Variants in RBFOX1 observed in about 807,000 individuals in gnomAD.
RBFOX1 encodes RNA binding protein fox-1 homolog 1.
RBFOX1 carries 8 observed loss-of-function variants against 57.7 expected under a neutral mutation model. That is an observed-to-expected ratio of 0.14 (90% confidence interval 0.08 to 0.25). The LOEUF (loss-of-function observed/expected upper bound fraction) is 0.25. RBFOX1 is among the 10% of genes least tolerant of loss of function. The pLI is 1.00. For synonymous variants in RBFOX1, 326 were observed against 222.4 expected (o/e 1.47, Z -4.15); for missense variants, 611 against 548.5 (o/e 1.11, Z -1.14).
intron 1 of RBFOX1, among the ~76,000 whole-genome samples, chr16:5,318,978 T>G (rs1407883086): frequency 6.6e-6 from 1 of 151,810 alleles, no homozygotes; most frequent in African/African-American, 2.4e-5. Context: ...ATACAAAAAA[T>G]TAGCTGGGCA....
chr16:7,140,277 T>C (rs1238252778), intron 4 of RBFOX1, among the ~76,000 whole-genome samples: 3 of 147,848 alleles, frequency 2.0e-5, no homozygotes, highest in Admixed American at 2.0e-4. Context: ...TTTTTTTTTT[T>C]TTTTTTTTTT....
rs761820657 is a variant in RBFOX1, at chr16:6,866,541, A to AATTTTTTTTTTTTTTTT, written c.-15-185516_-15-185515insATTTTTTTTTTTTTTTT. On this transcript the variant is annotated intron_variant, in intron 3 of 15. Coordinates refer to ENST00000550418, the MANE Select transcript of RBFOX1 (RefSeq NM_018723.4). ...TAAGGTTAGGGCTTTCTTTCCTTCT[A>AATTTTTTTTTTTTTTTT]TTTTTTTTTTTTTTTTTTGAGTTGG... Among the ~76,000 whole-genome samples the AATTTTTTTTTTTTTTTT allele has an allele frequency of 6.3e-5, 5 of 78,878 alleles. 1 individual carries two copies. Among genetic ancestry groups the AATTTTTTTTTTTTTTTT allele is most frequent in the African/African-American group, 2.8e-4 (5 of 17,832 alleles). 51.7% of individuals were successfully genotyped at this position (78,878 alleles called of 152,430 possible). A position where few individuals can be genotyped will look rare whatever the true frequency, so the allele number is the denominator to read the frequency against.
chr16:5,501,318 C>CAAAAAAAAAAAAA (rs1160788118), intron 2 of RBFOX1, among the ~76,000 whole-genome samples: 45 of 64,832 alleles, frequency 6.9e-4, no homozygotes, highest in East Asian at 1.1e-3. Context: ...ACTCTGTCTA[C>CAAAAAAAAAAAAA]AAAAAAAAAA....
intron 3 of RBFOX1, among the ~76,000 whole-genome samples, chr16:5,776,892 A>G (rs532190532): frequency 4.2e-4 from 64 of 152,212 alleles, no homozygotes; most frequent in Non-Finnish European, 7.3e-4. Context: ...TTTGCCATGG[A>G]TGTATGGATG....
At chr16:5,424,029 C>G (rs1405831800) in intron 1 of RBFOX1, among the ~76,000 whole-genome samples, 1 of 152,184 alleles carries the variant, frequency 6.6e-6, no homozygotes, top group Non-Finnish European at 1.5e-5. Flanking sequence ...TCAACCAACC[C>G]TCACTGTCCT....
chr16:6,638,486 T>C lies in RBFOX1; in HGVS notation c.-63-16117T>C, dbSNP rs529958279. Among the ~76,000 whole-genome samples the C allele has an allele frequency of 1.7e-3, 265 of 152,304 alleles. 2 individuals are homozygous for C. Among genetic ancestry groups the C allele is most frequent in the Non-Finnish European group, 3.2e-3 (216 of 68,026 alleles). ...CGCATTGAGACTTACACATTTATTA[T>C]AATAAAATATGCTTCTGGCATATTA... is the stretch of plus-strand genomic sequence containing the variant. On this transcript the variant is annotated intron_variant, in intron 2 of 15. Coordinates refer to ENST00000550418, the MANE Select transcript of RBFOX1 (RefSeq NM_018723.4).
intron 13 of RBFOX1, among the ~76,000 whole-genome samples, chr16:7,666,805 T>G (rs2145807404): frequency 6.6e-6 from 1 of 152,310 alleles, no homozygotes; most frequent in Non-Finnish European, 1.5e-5. Flanking sequence ...GCCACAGAAG[T>G]GTCCCTTTGT....
At chr16:5,976,635 G>A (rs111328738) in intron 4 of RBFOX1, among the ~76,000 whole-genome samples, 50 of 152,252 alleles carry the variant, frequency 3.3e-4, no homozygotes, top group African/African-American at 1.1e-3. Flanking sequence ...TTGGGAGGCC[G>A]AGGTAGACAG....
At chr16:7,655,225 T>G (rs1394808574) in intron 12 of RBFOX1, among the ~76,000 whole-genome samples, 1 of 152,164 alleles carries the variant, frequency 6.6e-6, no homozygotes, top group East Asian at 1.9e-4. Flanking sequence ...GCAATAAAGT[T>G]AATGGTAAAA....
intron 1 of RBFOX1, among the ~76,000 whole-genome samples, chr16:5,390,578 C>A (rs1188508320): frequency 6.6e-6 from 1 of 152,158 alleles, no homozygotes; most frequent in African/African-American, 2.4e-5. Flanking sequence ...TGTGAGCCAC[C>A]ACGCCTGGCC....
intron 4 of RBFOX1, among the ~76,000 whole-genome samples, chr16:5,943,778 C>T (rs1024785801): frequency 3.3e-5 from 5 of 152,168 alleles, no homozygotes; most frequent in Non-Finnish European, 5.9e-5. Flanking sequence ...TTACCATTCA[C>T]ATTCACCCAT....
intron 12 of RBFOX1, among the ~76,000 whole-genome samples, chr16:7,657,805 G>A (rs1015281548): frequency 2.6e-5 from 4 of 152,122 alleles, no homozygotes; most frequent in Non-Finnish European, 4.4e-5. Context: ...GGGATCATAG[G>A]TACAAGTGGA....
At chr16:6,578,271 A>G (rs909396902) in intron 2 of RBFOX1, among the ~76,000 whole-genome samples, 5 of 152,158 alleles carry the variant, frequency 3.3e-5, no homozygotes, top group African/African-American at 1.2e-4. Context: ...TCAGGGGCAT[A>G]AGAATCTTGG....
intron 4 of RBFOX1, among the ~76,000 whole-genome samples, chr16:7,090,069 T>A (rs528226427): frequency 3.9e-5 from 6 of 152,298 alleles, no homozygotes; most frequent in African/African-American, 1.4e-4. Context: ...TGCTCTTGCC[T>A]TCTAGTCTGT....
chr16:7,289,049 A>G (rs1471424747), intron 4 of RBFOX1, among the ~76,000 whole-genome samples: 2 of 152,200 alleles, frequency 1.3e-5, no homozygotes, highest in African/African-American at 2.4e-5. Context: ...TAAAAAGATC[A>G]TAAATTATTA....
chr16:7,171,801 C>G (rs1345552747), intron 4 of RBFOX1, among the ~76,000 whole-genome samples: 1 of 152,156 alleles, frequency 6.6e-6, no homozygotes, highest in African/African-American at 2.4e-5. Flanking sequence ...TGAATTTTGG[C>G]TTGGCCATTG....
At chr16:6,838,251 T>C (rs1390775967) in intron 3 of RBFOX1, among the ~76,000 whole-genome samples, 2 of 152,252 alleles carry the variant, frequency 1.3e-5, no homozygotes, top group South Asian at 2.1e-4. Context: ...ATTGTTCATC[T>C]GCCACTTAAG....
intron 5 of RBFOX1, chr16:7,519,796 T>A (rs2077131837): frequency 1.2e-6 from 1 of 852,702 alleles, no homozygotes; most frequent in Non-Finnish European, 1.4e-6. Context: ...TGAAGCATGA[T>A]ACATTTCCTG....
chr16:7,628,328 C>A (rs1242361082), intron 10 of RBFOX1, among the ~76,000 whole-genome samples: 1 of 152,036 alleles, frequency 6.6e-6, no homozygotes, highest in African/African-American at 2.4e-5. Flanking sequence ...CTCTGTATAT[C>A]CTATAGAAAC....
Sources: allele counts gnomAD v4.1 joint callset (sites outside exome capture counted in the v4.1 genomes callset), GRCh38; gene constraint gnomAD v4.1.1; transcripts MANE v1.5; gene names NCBI Gene and HGNC (gene_info 2026-07-23, HGNC 2026-07-21).